ZMYND11: variants seen among roughly 807,000 people sequenced by gnomAD.
ZMYND11 encodes the protein zinc finger MYND domain-containing protein 11.
ZMYND11 carries 9 observed loss-of-function variants against 84.9 expected under a neutral mutation model. The ratio of observed to expected loss-of-function variants is 0.11; its 90% CI spans 0.06 to 0.18. The LOEUF is 0.18. ZMYND11 is among the 10% of genes least tolerant of loss of function. ZMYND11 has a pLI of 1.00. For synonymous variants in ZMYND11, 250 were observed against 244.1 expected (o/e 1.02, Z -0.23); for missense variants, 409 against 761.0 (o/e 0.54, Z 5.44).
rs563783260 is a variant in ZMYND11 at position 189,207 on chromosome 10, A to G, written c.116+9079A>G. Among the ~76,000 whole-genome samples the G allele has an allele frequency of 4.6e-4, 70 of 152,344 alleles. 1 individual carries two copies. In the South Asian group the frequency reaches 0.015, roughly 32 times the overall value. On this transcript the variant is annotated intron_variant, in intron 2 of 14. Transcript: ENST00000381604. ...GTTCTTCCTGTCGCTACAGATATAC[A>G]TAAACGCAAACTGTAAGTCCTCATC... is the stretch of plus-strand genomic sequence containing the variant.
At chr10:213,371 T>C (rs2131316521) in intron 3 of ZMYND11, among the ~76,000 whole-genome samples, 1 of 152,292 alleles carries the variant, frequency 6.6e-6, no homozygotes, top group South Asian at 2.1e-4. Flanking sequence ...TTTTACCACC[T>C]TATATATAGG....
At chr10:158,391 A>G (rs1045071779) in intron 1 of ZMYND11, among the ~76,000 whole-genome samples, 5 of 142,344 alleles carry the variant, frequency 3.5e-5, no homozygotes, top group Admixed American at 2.8e-4. Context: ...CTATTATTCT[A>G]TTATTCCTTT....
chr10:195,039 C>T lies in ZMYND11; in HGVS notation c.117-14850C>T, dbSNP rs554816015. 3.9e-4 allele frequency among the ~76,000 whole-genome samples: 60 copies of T among 152,266 alleles called. No individual in the cohort carries two copies. In the East Asian group the frequency reaches 6.4e-3, roughly 16 times the overall value. ...GGGAAAGAGAAGATCTTAAGTGTTG[C>T]CAATAGATTTTTTATGAGACATCGT... On this transcript the variant is annotated intron_variant, in intron 2 of 14. Transcript: ENST00000381604.
At chr10:214,933 C>CA (rs1945898191) in intron 3 of ZMYND11, among the ~76,000 whole-genome samples, 1 of 152,160 alleles carries the variant, frequency 6.6e-6, no homozygotes, top group Non-Finnish European at 1.5e-5. Context: ...TACTCTTAAG[C>CA]AATAAGATAC....
At chr10:148,502 A>G (rs1459228299) in intron 1 of ZMYND11, 1 of 152,272 alleles carries the variant, frequency 6.6e-6, no homozygotes, top group African/African-American at 2.4e-5. Flanking sequence ...TCCAACCCCT[A>G]CCGTCCAATA....
rs190671892 is a variant in ZMYND11 at position 224,673 on chromosome 10, A to C, written c.438+3317A>C. Among the ~76,000 whole-genome samples the C allele has an allele frequency of 3.2e-3, 493 of 152,306 alleles. 5 individuals carry two copies. Among genetic ancestry groups the C allele is most frequent in the African/African-American group, 0.011 (447 of 41,566 alleles). On this transcript the variant is annotated intron_variant, in intron 4 of 14. Coordinates refer to ENST00000381604, the MANE Select transcript of ZMYND11 (RefSeq NM_001370100.5). ...TCATTTTGTTTGTATCTGTATCCAC[A>C]TGACTTTACATTAATTACTGGATGT...
chr10:217,699 A>G (rs1481255549), intron 3 of ZMYND11, among the ~76,000 whole-genome samples: 1 of 152,170 alleles, frequency 6.6e-6, no homozygotes, highest in Non-Finnish European at 1.5e-5. Context: ...ACATTGTGCC[A>G]GGCACTCCCG....
intron 4 of ZMYND11, among the ~76,000 whole-genome samples, chr10:230,525 C>A (rs1251258954): frequency 6.7e-6 from 1 of 150,250 alleles, no homozygotes; most frequent in African/African-American, 2.5e-5. Flanking sequence ...GGTTCTACCC[C>A]AGACAGGCTC....
chr10:172,206 A>G (rs1588635727), intron 1 of ZMYND11, among the ~76,000 whole-genome samples: 1 of 152,226 alleles, frequency 6.6e-6, no homozygotes, highest in East Asian at 1.9e-4. Flanking sequence ...TTAATTTCCC[A>G]CGTGAATTTT....
At chr10:199,298 C>A (rs1464382633) in intron 2 of ZMYND11, among the ~76,000 whole-genome samples, 1 of 44,262 alleles carries the variant, frequency 2.3e-5, no homozygotes, top group East Asian at 6.9e-4. Flanking sequence ...TCCCTCACTC[C>A]CTCCCTCTCT....
chr10:175,637 A>G (rs1421264918), intron 1 of ZMYND11, among the ~76,000 whole-genome samples: 3 of 152,216 alleles, frequency 2.0e-5, no homozygotes, highest in African/African-American at 7.2e-5. Flanking sequence ...TGAGTGTAGA[A>G]GGACTTCTGA....
rs774997779 is a variant in ZMYND11, at chr10:248,458, G to C, written c.1350G>C (p.Met450Ile). The C allele has an allele frequency of 6.2e-7, 1 of 1,614,154 alleles. No homozygotes were observed. Among genetic ancestry groups the C allele is most frequent in the Non-Finnish European group, 8.5e-7 (1 of 1,180,038 alleles). The change falls in exon 13 of 15, where the codon ATG becomes ATC. Residue 450 changes from methionine (M) to isoleucine (I), a missense_variant. This residue lies in a region of ZMYND11 where 141 missense variants were observed against 173.8 expected (regional missense o/e 0.81). Transcript: ENST00000381604. ...AGTTAAGTGCCTCTTCACCAAGAAT[G>C]CTGCATCGGAGCACCCAGACCACAA... ...TKKLSASSPRMLHRSTQTTND... is the reference protein window; with the variant it reads ...TKKLSASSPRILHRSTQTTND...
chr10:196,838 G>T (rs968852291), intron 2 of ZMYND11, among the ~76,000 whole-genome samples: 16 of 152,318 alleles, frequency 1.1e-4, no homozygotes, highest in African/African-American at 3.8e-4. Flanking sequence ...TGAAACTGGG[G>T]TAAGAGTAAA....
intron 14 of ZMYND11, among the ~76,000 whole-genome samples, chr10:251,424 A>T (rs1953468474): frequency 6.6e-6 from 1 of 152,182 alleles, no homozygotes; most frequent in Non-Finnish European, 1.5e-5. Flanking sequence ...TGCACACAAT[A>T]CACAGGAAGG....
chr10:225,340 G>A (rs911003567), intron 4 of ZMYND11, among the ~76,000 whole-genome samples: 2 of 116,408 alleles, frequency 1.7e-5, no homozygotes, highest in East Asian at 2.6e-4. Flanking sequence ...TTTTGTTGTC[G>A]TTGTTTTTTT....
chr10:130,405 G>A (rs1420559578), upstream of ZMYND11, among the ~76,000 whole-genome samples: 3 of 152,182 alleles, frequency 2.0e-5, no homozygotes, highest in African/African-American at 7.2e-5. Flanking sequence ...CGTGGTAGAA[G>A]GGGAGCTCCT....
chr10:170,270 C>A (rs1434637054), intron 1 of ZMYND11, among the ~76,000 whole-genome samples: 1 of 151,916 alleles, frequency 6.6e-6, no homozygotes, highest in African/African-American at 2.4e-5. Context: ...AAAAGTTCTT[C>A]AGAAAGAAGG....
chr10:130,380 T>A (rs1469108570), upstream of ZMYND11, among the ~76,000 whole-genome samples: 2 of 152,168 alleles, frequency 1.3e-5, no homozygotes, highest in Non-Finnish European at 2.9e-5. Flanking sequence ...TTGTGCTGTG[T>A]GCTCGACTAC....
intron 14 of ZMYND11, among the ~76,000 whole-genome samples, chr10:250,541 C>T (rs1433267699): frequency 6.6e-6 from 1 of 151,828 alleles, no homozygotes; most frequent in Non-Finnish European, 1.5e-5. Flanking sequence ...ACTAAAGAAT[C>T]AAGAAAATGG....
Sources: gnomAD v4.1 joint callset for allele counts (sites outside exome capture counted in the v4.1 genomes callset) on GRCh38, gnomAD v4.1.1 for gene constraint, gnomAD v4.1.1 regional missense constraint, MANE v1.5 for transcripts, NCBI Gene and HGNC (gene_info 2026-07-23, HGNC 2026-07-21) for gene names.